The following TRDN variants were observed in gnomAD, a reference collection of about 807,000 sequenced individuals.
TRDN encodes triadin.
TRDN carries 161 observed loss-of-function variants against 149.7 expected under a neutral mutation model. The observed-to-expected ratio is 1.08, with a 90% CI of 0.95 to 1.23. The LOEUF is 1.23. TRDN is among the 50% of genes most tolerant of loss of function. The pLI is 0.00. For synonymous variants in TRDN, 294 were observed against 250.5 expected (o/e 1.17, Z -1.64); for missense variants, 896 against 823.5 (o/e 1.09, Z -1.08).
At chr6:123,600,410 C>T (rs911254951) in intron 1 of TRDN, among the ~76,000 whole-genome samples, 1 of 151,928 alleles carries the variant, frequency 6.6e-6, no homozygotes, top group Non-Finnish European at 1.5e-5. Context: ...GAGGAATGCC[C>T]TCCTCAGAAT....
intron 10 of TRDN, among the ~76,000 whole-genome samples, chr6:123,447,138 G>A (rs1048771247): frequency 2.6e-5 from 4 of 151,586 alleles, no homozygotes; most frequent in Admixed American, 6.6e-5. Flanking sequence ...TTTAGTGATA[G>A]CTGAATTATT....
intron 10 of TRDN, among the ~76,000 whole-genome samples, chr6:123,459,837 C>T (rs145867763): frequency 2.0e-5 from 3 of 152,250 alleles, no homozygotes; most frequent in African/African-American, 4.8e-5. Flanking sequence ...GTAGGAGACA[C>T]CTGGCTTTCA....
In TRDN at chr6:123,634,156, C is replaced by T. The variant is rs537707838; in HGVS notation, c.22+2598G>A. Among the ~76,000 whole-genome samples, 26 of 152,002 alleles carry T rather than the reference C, an allele frequency of 1.7e-4. No homozygotes were observed. In the East Asian group the frequency reaches 4.1e-3, roughly 24 times the overall value. On this transcript the variant is annotated intron_variant, in intron 1 of 40. Transcript: ENST00000334268. ...TCCAAAAGTGATTGCAAGCCCCAGG[C>T]GTGATGGTTCTTGCCTGTATTCCCA...
At chr6:123,617,541 A>G (rs1192943845) in intron 1 of TRDN, among the ~76,000 whole-genome samples, 1 of 152,172 alleles carries the variant, frequency 6.6e-6, no homozygotes, top group East Asian at 1.9e-4. Flanking sequence ...GTTACTTGCT[A>G]GATAACTTCA....
intron 18 of TRDN, among the ~76,000 whole-genome samples, chr6:123,376,491 G>A (rs1471215698): frequency 1.3e-5 from 2 of 152,034 alleles, no homozygotes; most frequent in African/African-American, 2.4e-5. Context: ...AGCGCCCAAT[G>A]TGTCCTGGCA....
intron 11 of TRDN, 30 bp downstream of exon 11, chr6:123,438,914 T>C: frequency 6.6e-7 from 1 of 1,515,220 alleles, no homozygotes; most frequent in Middle Eastern, 1.7e-4. Flanking sequence ...CTAATTGATT[T>C]ATGTGGTACA....
intron 20 of TRDN, among the ~76,000 whole-genome samples, chr6:123,355,901 T>C (rs1780652603): frequency 6.6e-6 from 1 of 151,810 alleles, no homozygotes; most frequent in Non-Finnish European, 1.5e-5. Flanking sequence ...TAGAACAGCA[T>C]TGTAGTCATC....
chr6:123,587,290 G>C (rs1299454844), intron 1 of TRDN, among the ~76,000 whole-genome samples: 1 of 152,156 alleles, frequency 6.6e-6, no homozygotes, highest in Non-Finnish European at 1.5e-5. Context: ...CCTAGTCCAT[G>C]ACTGGCGCCA....
At chr6:123,603,603 CA>C (rs1310695202) in intron 1 of TRDN, among the ~76,000 whole-genome samples, 1 of 151,968 alleles carries the variant, frequency 6.6e-6, no homozygotes, top group Admixed American at 6.6e-5. Context: ...TACTATGTTC[CA>C]GACATTGTTT....
At chr6:123,604,206 C>G (rs1016654819) in intron 1 of TRDN, among the ~76,000 whole-genome samples, 2 of 152,192 alleles carry the variant, frequency 1.3e-5, no homozygotes, top group Non-Finnish European at 2.9e-5. Flanking sequence ...ATAATCACAG[C>G]ACTGTTAATC....
intron 10 of TRDN, among the ~76,000 whole-genome samples, chr6:123,446,900 A>G (rs1775411310): frequency 6.7e-6 from 1 of 148,966 alleles, no homozygotes; most frequent in African/African-American, 2.5e-5. Context: ...TTCAGAACAA[A>G]TATTCTTCTT....
chr6:123,523,889 C>T (rs376373342), intron 5 of TRDN, among the ~76,000 whole-genome samples: 5 of 152,198 alleles, frequency 3.3e-5, no homozygotes, highest in African/African-American at 1.2e-4. Flanking sequence ...CACTTAAAGG[C>T]ATCCAGTTAC....
chr6:123,535,753 A>G (rs1780496400), intron 4 of TRDN, among the ~76,000 whole-genome samples: 2 of 152,152 alleles, frequency 1.3e-5, no homozygotes, highest in Non-Finnish European at 2.9e-5. Context: ...ACATTTTTAG[A>G]TTATTCTTTA....
chr6:123,279,034 A>G, intron 25 of TRDN, 22 bp downstream of exon 25: 1 of 1,601,522 alleles, frequency 6.2e-7, no homozygotes, highest in Non-Finnish European at 8.5e-7. Flanking sequence ...GTGTTTGTTT[A>G]TTGAGCATGC....
intron 7 of TRDN, among the ~76,000 whole-genome samples, chr6:123,504,108 A>G (rs1778815066): frequency 6.6e-6 from 1 of 151,862 alleles, no homozygotes; most frequent in East Asian, 1.9e-4. Flanking sequence ...AGTTTTATAC[A>G]GTTTATGAAG....
Position 123,267,706 on chromosome 6 carries a change from C to A in TRDN, c.1783+1G>T, listed in dbSNP as rs763150895. ...AATATAAACCAAAAATGGTAAAATA[C>A]CTGTTTTTATAGATGGAGGTTCTCT... On this transcript the variant is annotated splice_donor_variant, in intron 32 of 40. Transcript: ENST00000334268. LOFTEE classifies it high-confidence loss of function. 1.9e-6 allele frequency: 3 copies of A among 1,565,212 alleles called. No individual in the cohort carries two copies. Among genetic ancestry groups the A allele is most frequent in the African/African-American group, 1.4e-5 (1 of 72,826 alleles).
chr6:123,400,189 A>ATATATATATATATAT (rs10529008), intron 12 of TRDN, among the ~76,000 whole-genome samples: 1 of 146,338 alleles, frequency 6.8e-6, no homozygotes, highest in Admixed American at 6.9e-5. Context: ...ATATATATAT[A>ATATATATATATATAT]AACACACACA....
intron 24 of TRDN, among the ~76,000 whole-genome samples, chr6:123,284,528 G>A (rs1777731986): frequency 6.6e-6 from 1 of 151,954 alleles, no homozygotes; most frequent in Admixed American, 6.6e-5. Flanking sequence ...TGTAATAAAA[G>A]CCATCTACCA....
At chr6:123,580,523 T>C (rs1035510551) in intron 1 of TRDN, among the ~76,000 whole-genome samples, 1 of 152,184 alleles carries the variant, frequency 6.6e-6, no homozygotes, top group African/African-American at 2.4e-5. Context: ...CTAGACAGAA[T>C]TAAATGACAT....
Sources: allele counts gnomAD v4.1 joint callset (sites outside exome capture counted in the v4.1 genomes callset), GRCh38; gene constraint gnomAD v4.1.1; transcripts MANE v1.5; gene names NCBI Gene and HGNC (gene_info 2026-07-23, HGNC 2026-07-21).